The following BORCS5 variants were observed in gnomAD, a reference collection of about 807,000 sequenced individuals.
BORCS5 encodes BLOC-1-related complex subunit 5.
Under a neutral mutation model 22.1 loss-of-function variants are expected in BORCS5, and 17 were observed. The observed-to-expected ratio is 0.77, with a 90% CI of 0.53 to 1.15. BORCS5 has a LOEUF of 1.15. Ranked by LOEUF, BORCS5 falls within the 50% of genes most tolerant of loss-of-function variation. BORCS5 has a pLI of 0.00. For synonymous variants in BORCS5, 117 were observed against 99.8 expected (o/e 1.17, Z -1.03); for missense variants, 247 against 253.2 (o/e 0.98, Z 0.17).
At position 12,437,166 on chromosome 12, in the gene BORCS5, A is replaced by G. The variant is rs770254104; in HGVS notation, c.360+1381A>G. Among the ~76,000 whole-genome samples, 21 of 152,174 alleles carry G rather than the reference A, an allele frequency of 1.4e-4. 1 individual carries two copies. Among genetic ancestry groups the G allele is most frequent in the South Asian group, 1.2e-3 (6 of 4,834 alleles). ...CATGGGAGGGACCCAGTGGGAGGTA[A>G]TTGAGTCATGGGGGCAGGTCTTTCC... On this transcript the variant is annotated intron_variant, in intron 3 of 3. Coordinates refer to ENST00000314565, the MANE Select transcript of BORCS5 (RefSeq NM_058169.6).
At chr12:12,386,467 T>TTTA in intron 2 of BORCS5, among the ~76,000 whole-genome samples, 1 of 150,004 alleles carries the variant, frequency 6.7e-6, no homozygotes, top group African/African-American at 2.5e-5. Context: ...TTTTTTTTTT[T>TTTA]ATTTGTTCTA....
At chr12:12,390,621 C>CT (rs35168426) in intron 2 of BORCS5, among the ~76,000 whole-genome samples, 48,205 of 144,024 alleles carry the variant, frequency 0.33, 9,184 homozygotes, top group Non-Finnish European at 0.44. Context: ...ACCTTATCTC[C>CT]TTTTTTTTTT....
At chr12:12,422,740 A>G (rs146149900) in intron 2 of BORCS5, among the ~76,000 whole-genome samples, 8 of 152,306 alleles carry the variant, frequency 5.3e-5, no homozygotes, top group East Asian at 1.9e-4. Flanking sequence ...TCACAAGATA[A>G]TATCTTTATA....
intron 2 of BORCS5, among the ~76,000 whole-genome samples, chr12:12,379,357 C>T (rs1048372940): frequency 1.3e-5 from 2 of 151,032 alleles, no homozygotes; most frequent in Non-Finnish European, 3.0e-5. Context: ...TCAGGTGATC[C>T]GCCTGCCTCA....
intron 3 of BORCS5, among the ~76,000 whole-genome samples, chr12:12,463,013 C>G (rs1943138977): frequency 6.6e-6 from 1 of 152,136 alleles, no homozygotes; most frequent in Non-Finnish European, 1.5e-5. Context: ...CATAACACCT[C>G]TGCTTATCCA....
chr12:12,442,514 G>GA (rs1371634411), intron 3 of BORCS5, among the ~76,000 whole-genome samples: 2 of 152,198 alleles, frequency 1.3e-5, no homozygotes, highest in African/African-American at 4.8e-5. Flanking sequence ...ATGAAGCATG[G>GA]AGGGGGTTCA....
intron 2 of BORCS5, among the ~76,000 whole-genome samples, chr12:12,403,469 G>A (rs1290640609): frequency 2.0e-5 from 3 of 152,122 alleles, no homozygotes; most frequent in Non-Finnish European, 4.4e-5. Context: ...TATCTCCCTA[G>A]TCCGCTGTGG....
intron 2 of BORCS5, among the ~76,000 whole-genome samples, chr12:12,372,187 C>T (rs1005064748): frequency 6.6e-6 from 1 of 151,958 alleles, no homozygotes; most frequent in African/African-American, 2.4e-5. Context: ...TTTCAGCCAC[C>T]CGCCACCATG....
At chr12:12,371,097 T>C (rs1383641959) in intron 2 of BORCS5, among the ~76,000 whole-genome samples, 1 of 152,180 alleles carries the variant, frequency 6.6e-6, no homozygotes, top group Non-Finnish European at 1.5e-5. Flanking sequence ...AATGTCTTTA[T>C]TTTCTGGCAC....
At chr12:12,433,322 C>CA (rs34833037) in intron 2 of BORCS5, among the ~76,000 whole-genome samples, 1,179 of 40,560 alleles carry the variant, frequency 0.029, 97 homozygotes, top group East Asian at 0.21. Flanking sequence ...GACTGTGTCT[C>CA]AAAAAAAAAA....
At chr12:12,448,913 C>T (rs1592136159) in intron 3 of BORCS5, among the ~76,000 whole-genome samples, 2 of 152,194 alleles carry the variant, frequency 1.3e-5, no homozygotes, top group East Asian at 3.8e-4. Flanking sequence ...CCCTGTATTC[C>T]TTTATAATAC....
chr12:12,415,653 C>T (rs1451848827), intron 2 of BORCS5, among the ~76,000 whole-genome samples: 3 of 149,398 alleles, frequency 2.0e-5, no homozygotes, highest in Non-Finnish European at 4.4e-5. Context: ...TGTGTTGAAT[C>T]ATCCTTGTGT....
At chr12:12,434,012 G>A (rs1227336847) in intron 2 of BORCS5, among the ~76,000 whole-genome samples, 1 of 151,986 alleles carries the variant, frequency 6.6e-6, no homozygotes, top group Non-Finnish European at 1.5e-5. Flanking sequence ...GGTGAGGAAG[G>A]GTTCCCAAGA....
At chr12:12,465,136 T>G (rs1943175712) in intron 3 of BORCS5, among the ~76,000 whole-genome samples, 1 of 152,108 alleles carries the variant, frequency 6.6e-6, no homozygotes, top group East Asian at 1.9e-4. Flanking sequence ...CACGCCCATC[T>G]GCTCCTAGTT....
intron 2 of BORCS5, among the ~76,000 whole-genome samples, chr12:12,388,739 G>A (rs1863935254): frequency 6.6e-6 from 1 of 150,562 alleles, no homozygotes; most frequent in Non-Finnish European, 1.5e-5. Context: ...CATTTTTGGG[G>A]CCAGATAGAC....
chr12:12,366,689 C>G (rs58796296), intron 2 of BORCS5, among the ~76,000 whole-genome samples: 1 of 152,138 alleles, frequency 6.6e-6, no homozygotes, highest in African/African-American at 2.4e-5. Flanking sequence ...AATTCAACCA[C>G]TCATATTTTT....
intron 2 of BORCS5, among the ~76,000 whole-genome samples, chr12:12,402,326 A>G (rs1043751311): frequency 3.9e-5 from 6 of 152,166 alleles, no homozygotes; most frequent in Non-Finnish European, 5.9e-5. Context: ...GAGCAAAACA[A>G]CATGCTTAAG....
At chr12:12,462,916 C>T (rs1943137048) in intron 3 of BORCS5, among the ~76,000 whole-genome samples, 1 of 82,858 alleles carries the variant, frequency 1.2e-5, no homozygotes, top group Non-Finnish European at 2.4e-5. Context: ...CTCAGCCTCC[C>T]AAAGTTCTGG....
intron 2 of BORCS5, among the ~76,000 whole-genome samples, chr12:12,369,127 A>C (rs1863467112): frequency 6.6e-6 from 1 of 152,180 alleles, no homozygotes; most frequent in Non-Finnish European, 1.5e-5. Flanking sequence ...ATTATTAGGC[A>C]TATATGCATT....
Sources: allele counts gnomAD v4.1 joint callset (sites outside exome capture counted in the v4.1 genomes callset), GRCh38; gene constraint gnomAD v4.1.1; transcripts MANE v1.5; gene names NCBI Gene and HGNC (gene_info 2026-07-23, HGNC 2026-07-21).